The following KSR1 variants were observed in gnomAD, a reference collection of about 807,000 sequenced individuals.
KSR1 encodes the protein kinase suppressor of ras 1.
Under a neutral mutation model 92.9 loss-of-function variants are expected in KSR1, and 35 were observed. The ratio of observed to expected loss-of-function variants is 0.38; its 90% confidence interval spans 0.29 to 0.50. The LOEUF (loss-of-function observed/expected upper bound fraction) is 0.50, where lower values mean the gene tolerates loss of function less well. Ranked by LOEUF, KSR1 falls within the 20% of genes least tolerant of loss-of-function variation. The pLI is 0.94. For synonymous variants in KSR1, 467 were observed against 472.6 expected, an observed-to-expected ratio of 0.99 and a Z score of 0.15; for missense variants, 972 against 1,158.5, an observed-to-expected ratio of 0.84 and a Z score of 2.34.
chr17:27,486,179 C>T lies in KSR1; in HGVS notation c.231+29305C>T, dbSNP rs117842681. ...AAACCATCCTGCTTTCTTAACTTCC[C>T]CTGGCTCTGAGCATTTGTGATTCTT... On this transcript the variant is annotated intron_variant, in intron 1 of 20. Coordinates refer to ENST00000644974, the MANE Select transcript of KSR1 (RefSeq NM_001394583.1). 1.8e-4 allele frequency among the ~76,000 whole-genome samples: 27 copies of T among 152,334 alleles called. No homozygotes were observed. The East Asian group carries it at 5.2e-3, about 29-fold the overall frequency.
chr17:27,543,334 T>A (rs1281559973), intron 1 of KSR1, among the ~76,000 whole-genome samples: 15 of 152,040 alleles, frequency 9.9e-5, no homozygotes, highest in Admixed American at 9.8e-4. Context: ...CCATGGAGGA[T>A]GGGCCCAGGA....
intron 1 of KSR1, among the ~76,000 whole-genome samples, chr17:27,480,876 G>A (rs1025412503): frequency 2.0e-5 from 3 of 152,154 alleles, no homozygotes; most frequent in Non-Finnish European, 2.9e-5. Context: ...ATCTGGGCTC[G>A]ATCCTCCTTA....
At chr17:27,585,554 A>G (rs2072933083) in intron 4 of KSR1, 103 bp from the exon 5 acceptor site, 2 of 717,850 alleles carry the variant, frequency 2.8e-6, no homozygotes, top group Non-Finnish European at 5.2e-6. Flanking sequence ...TCAGAGTCCT[A>G]CGTCCCAGCC....
intron 2 of KSR1, among the ~76,000 whole-genome samples, chr17:27,576,053 C>A (rs2072492191): frequency 6.6e-6 from 1 of 152,198 alleles, no homozygotes; most frequent in Non-Finnish European, 1.5e-5. Flanking sequence ...CCCTCAATGG[C>A]TGTCAGCCAG....
chr17:27,583,667 A>T (rs528046754), intron 4 of KSR1, among the ~76,000 whole-genome samples: 17 of 152,342 alleles, frequency 1.1e-4, no homozygotes, highest in Middle Eastern at 3.4e-3. Context: ...ACCACTAGTG[A>T]CTGTCAGATA....
rs183476187 is a variant in KSR1 at position 27,509,896 on chromosome 17, G to A, written c.232-40672G>A. On this transcript the variant is annotated intron_variant, in intron 1 of 20. Coordinates refer to ENST00000644974, the MANE Select transcript of KSR1 (RefSeq NM_001394583.1). The stretch of plus-strand genomic sequence containing the variant: ...CCCTTCATTGTGTGTGAGAGGCCAC[G>A]TTGGGCGAGCAGGGGCAATACCCAG... 5.9e-5 allele frequency among the ~76,000 whole-genome samples: 9 copies of A among 152,314 alleles called. No homozygotes were observed. The East Asian group carries it at 7.7e-4, about 13-fold the overall frequency.
At chr17:27,541,415 TG>T (rs1392130765) in intron 1 of KSR1, among the ~76,000 whole-genome samples, 1 of 152,104 alleles carries the variant, frequency 6.6e-6, no homozygotes, top group Non-Finnish European at 1.5e-5. Context: ...GAGCCAGGGG[TG>T]GGGTACAGCC....
chr17:27,515,349 G>A (rs2069747440), intron 1 of KSR1, among the ~76,000 whole-genome samples: 1 of 152,180 alleles, frequency 6.6e-6, no homozygotes, highest in African/African-American at 2.4e-5. Context: ...ATGTATTACA[G>A]TTGCCTACCA....
chr17:27,468,369 G>A (rs2019811191), intron 1 of KSR1, among the ~76,000 whole-genome samples: 1 of 152,000 alleles, frequency 6.6e-6, no homozygotes, highest in African/African-American at 2.4e-5. Flanking sequence ...CCAAGTAGCT[G>A]GGATTACAGG....
chr17:27,605,514 C>T lies in KSR1; in HGVS notation c.1695C>T (p.Pro565=). The change falls in exon 14 of 21, where the codon CCC becomes CCT. Residue 565 remains proline, a synonymous_variant. Coordinates refer to ENST00000644974, the MANE Select transcript of KSR1 (RefSeq NM_001394583.1). ...EVDDLPSSRR[P]WRGPISRKAS... is the part of the protein sequence containing the mutation. ...ACGACTTGCCGAGCTCTCGCCGGCCCTGGCGGGGCCCCATCTCTCGCAAGG... is the reference window on the plus strand; with the variant it reads ...ACGACTTGCCGAGCTCTCGCCGGCCTTGGCGGGGCCCCATCTCTCGCAAGG... 1.2e-6 allele frequency: 2 copies of T among 1,600,096 alleles called. No individual in the cohort carries two copies. Among genetic ancestry groups the T allele is most frequent in the African/African-American group, 2.7e-5 (2 of 74,854 alleles).
chr17:27,527,241 C>A (rs2070342296), intron 1 of KSR1: 1 of 222,774 alleles, frequency 4.5e-6, no homozygotes. Flanking sequence ...TATATTTCCC[C>A]TGGCCGCCAG....
At chr17:27,505,203 C>T (rs540556664) in intron 1 of KSR1, among the ~76,000 whole-genome samples, 2 of 152,284 alleles carry the variant, frequency 1.3e-5, no homozygotes, top group Admixed American at 6.5e-5. Context: ...GGGAGCTGGC[C>T]AGTGAGAGGG....
In KSR1 at chr17:27,577,825, T is replaced by C; in HGVS notation, c.520+186T>C. ...CCAGGGTCCTCAGGGCTCTGGATCC[T>C]GGTGGGTCTGGCCAGGCCGAATCTG... On this transcript the variant is annotated intron_variant, in intron 3 of 20. Coordinates refer to ENST00000644974, the MANE Select transcript of KSR1 (RefSeq NM_001394583.1). This position sits in a 1 kb window ranked among gnomAD's most constrained non-coding sequence, Gnocchi z 4.5. 1.4e-6 allele frequency: 1 copy of C among 702,910 alleles called. No homozygotes were observed. The highest frequency in any genetic ancestry group is 2.6e-6 in the Non-Finnish European group (1 of 386,814). 43.5% of individuals were successfully genotyped at this position (702,910 alleles called of 1,614,324 possible). A position where few individuals can be genotyped will look rare whatever the true frequency, so the allele number is the denominator to read the frequency against.
intron 5 of KSR1, 38 bp downstream of exon 5, chr17:27,585,699 G>A (rs1258614045): frequency 1.3e-6 from 1 of 752,978 alleles, no homozygotes; most frequent in Admixed American, 1.8e-5. Context: ...TACCACCTGG[G>A]AGTCGTGTGT....
intron 1 of KSR1, among the ~76,000 whole-genome samples, chr17:27,534,247 C>T (rs894344312): frequency 2.0e-5 from 3 of 152,226 alleles, no homozygotes; most frequent in African/African-American, 4.8e-5. Flanking sequence ...GCCTTGTCTA[C>T]GTTTGCCCAT....
At chr17:27,460,233 C>T (rs1191926129) in intron 1 of KSR1, among the ~76,000 whole-genome samples, 1 of 152,102 alleles carries the variant, frequency 6.6e-6, no homozygotes, top group Non-Finnish European at 1.5e-5. Flanking sequence ...CAACCTATGC[C>T]AGTAATAATT....
chr17:27,594,036 T>G (rs115732927), intron 9 of KSR1, among the ~76,000 whole-genome samples: 2 of 152,220 alleles, frequency 1.3e-5, no homozygotes, highest in African/African-American at 4.8e-5. Context: ...CCTTGGGTGC[T>G]AGGGTTTCAG....
intron 6 of KSR1, among the ~76,000 whole-genome samples, chr17:27,590,018 A>T (rs1400191956): frequency 6.6e-6 from 1 of 152,252 alleles, no homozygotes; most frequent in Non-Finnish European, 1.5e-5. Flanking sequence ...AAATGGAGAT[A>T]CAATTTATGT....
intron 1 of KSR1, among the ~76,000 whole-genome samples, chr17:27,547,481 T>C (rs754372894): frequency 2.4e-4 from 36 of 152,246 alleles, no homozygotes; most frequent in South Asian, 4.1e-4. Context: ...CCAGTAGGAA[T>C]CACAGTTGTG....
Sources: allele counts gnomAD v4.1 joint callset (sites outside exome capture counted in the v4.1 genomes callset), GRCh38; gene constraint gnomAD v4.1.1; non-coding constraint Gnocchi (gnomAD v3.1); transcripts MANE v1.5; gene names NCBI Gene and HGNC (gene_info 2026-07-23, HGNC 2026-07-21).